EZH1: variants seen among roughly 807,000 people sequenced by gnomAD.
The protein encoded by EZH1 is enhancer of zeste 1 polycomb repressive complex 2 subunit.
EZH1 carries 33 observed loss-of-function variants against 100.5 expected under a neutral mutation model. That is an observed-to-expected ratio of 0.33 (90% CI 0.25 to 0.44). EZH1 has a LOEUF of 0.44. EZH1 is among the 20% of genes least tolerant of loss of function. The pLI is 1.00. For missense variants in EZH1, 475 were observed against 928.4 expected (o/e 0.51, Z 6.35); for synonymous variants, 272 against 313.8 (o/e 0.87, Z 1.41).
chr17:42,733,032 CA>C (rs35232752), intron 1 of EZH1, among the ~76,000 whole-genome samples: 55,077 of 103,008 alleles, frequency 0.53, 11,967 homozygotes, highest in South Asian at 0.59. Context: ...ACCATCTCTA[CA>C]AAAAAAAAAA....
At chr17:42,735,199 T>C (rs376817502) in intron 1 of EZH1, among the ~76,000 whole-genome samples, 5 of 150,760 alleles carry the variant, frequency 3.3e-5, no homozygotes, top group African/African-American at 1.2e-4. Flanking sequence ...CTGAGGCGGG[T>C]GGATCACTTG....
At chr17:42,727,597 G>A (rs758814400) in intron 4 of EZH1, 38 bp downstream of exon 4, 5 of 1,583,778 alleles carry the variant, frequency 3.2e-6, no homozygotes, top group Admixed American at 1.8e-5. Context: ...TTAAGCCCAA[G>A]GAAGAGAGGA....
chr17:42,732,263 G>C (rs1308325141), intron 1 of EZH1, among the ~76,000 whole-genome samples: 2 of 152,076 alleles, frequency 1.3e-5, no homozygotes, highest in East Asian at 3.8e-4. Flanking sequence ...AGGAGTTTGA[G>C]ATTAGCTTGG....
intron 6 of EZH1, among the ~76,000 whole-genome samples, chr17:42,722,041 C>T (rs541823922): frequency 1.3e-5 from 2 of 149,158 alleles, no homozygotes; most frequent in African/African-American, 2.5e-5. Context: ...CCAGCTACCT[C>T]GGGAGGCTGA....
chr17:42,712,236 A>G, intron 12 of EZH1, 53 bp downstream of exon 12: 5 of 1,572,102 alleles, frequency 3.2e-6, no homozygotes, highest in Non-Finnish European at 4.3e-6. Context: ...AGGGCTGGAC[A>G]GAGCAATGCG....
rs1341949028 is a variant in EZH1, at chr17:42,700,377, C to CA, written c.*2154dup. On this transcript the variant is annotated 3_prime_UTR_variant, in exon 21 of 21. Transcript: ENST00000428826. ...ATGTATACCAGGCTCCCCTAGTCCC[C>CA]ACCACCTTGCCCCATCCATCATGAC... is the stretch of plus-strand genomic sequence containing the variant. 2.0e-5 allele frequency: 3 copies of CA among 152,836 alleles called. No individual in the cohort carries two copies. Among genetic ancestry groups the CA allele is most frequent in the African/African-American group, 7.2e-5 (3 of 41,448 alleles). 9.5% of individuals were successfully genotyped at this position (152,836 alleles called of 1,614,324 possible). A position where few individuals can be genotyped will look rare whatever the true frequency, so the allele number is the denominator to read the frequency against.
chr17:42,708,525 CAT>C, intron 14 of EZH1, among the ~76,000 whole-genome samples: 1 of 152,098 alleles, frequency 6.6e-6, no homozygotes, highest in Non-Finnish European at 1.5e-5. Context: ...CATGGTGGTA[CAT>C]GCCTGTAATC....
intron 11 of EZH1, 76 bp from the exon 12 acceptor site, chr17:42,712,561 A>G: frequency 7.3e-7 from 1 of 1,362,946 alleles, no homozygotes; most frequent in Non-Finnish European, 1.0e-6. Context: ...CAAACTCAGA[A>G]GTACTTCATT....
chr17:42,721,890 G>A (rs973579394), intron 6 of EZH1, among the ~76,000 whole-genome samples: 6 of 151,702 alleles, frequency 4.0e-5, no homozygotes, highest in East Asian at 1.9e-4. Context: ...GGTGGCTCAC[G>A]CCTGTAATCC....
At chr17:42,744,674 C>A (rs1175010198) in intron 1 of EZH1, among the ~76,000 whole-genome samples, 1 of 152,212 alleles carries the variant, frequency 6.6e-6, no homozygotes, top group Non-Finnish European at 1.5e-5. Context: ...ACCGCCCTCC[C>A]GCGCCCTTTG....
chr17:42,714,575 C>A, intron 10 of EZH1: 1 of 312,006 alleles, frequency 3.2e-6, no homozygotes. Context: ...AGCAAGTGTG[C>A]TTTCCTTAGC....
At chr17:42,719,295 A>G in intron 7 of EZH1, 88 bp from the exon 8 acceptor site, 1 of 1,022,892 alleles carries the variant, frequency 9.8e-7, no homozygotes, top group Non-Finnish European at 1.5e-6. Context: ...TTGTCATAGC[A>G]TTTTGATTAC....
intron 11 of EZH1, 88 bp from the exon 12 acceptor site, chr17:42,712,573 T>A: frequency 7.8e-7 from 1 of 1,274,378 alleles, no homozygotes; most frequent in Non-Finnish European, 1.1e-6. Context: ...TACTTCATTC[T>A]ACTTTAAAAG....
chr17:42,718,161 G>A lies in EZH1; in HGVS notation c.932-94C>T. On this transcript the variant is annotated intron_variant, in intron 9 of 20. Coordinates refer to ENST00000428826, the MANE Select transcript of EZH1 (RefSeq NM_001991.5). The surrounding 1 kb of genome is among the most constrained non-coding windows in gnomAD (Gnocchi z 4.2). ...AATTAGAGAGCTATTGTAGGAGTTA[G>A]AATTCGATATAAACGGCTACCATCA... 1 of 1,150,764 alleles carries A rather than the reference G, an allele frequency of 8.7e-7. No individual in the cohort carries two copies. The highest frequency in any genetic ancestry group is 1.3e-6 in the Non-Finnish European group (1 of 785,310). 71.3% of individuals were successfully genotyped at this position (1,150,764 alleles called of 1,614,324 possible).
intron 16 of EZH1, among the ~76,000 whole-genome samples, 197 bp from the exon 17 acceptor site, chr17:42,705,380 T>C (rs1308565343): frequency 6.6e-6 from 1 of 152,172 alleles, no homozygotes; most frequent in Non-Finnish European, 1.5e-5. Context: ...CGAACGGAAA[T>C]AGGATATCTC....
intron 16 of EZH1, 105 bp downstream of exon 16, chr17:42,705,902 T>C: frequency 1.7e-6 from 2 of 1,176,874 alleles, no homozygotes; most frequent in Non-Finnish European, 1.2e-6. Context: ...TCAAGCACTT[T>C]CACATATAAA....
chr17:42,707,561 AT>A (rs1340379605), intron 15 of EZH1, among the ~76,000 whole-genome samples: 1 of 151,760 alleles, frequency 6.6e-6, no homozygotes, highest in Non-Finnish European at 1.5e-5. Flanking sequence ...ACCTGGCCTA[AT>A]TTTTTTATTT....
In EZH1 at chr17:42,728,793, A is replaced by G. The variant is rs781249174; in HGVS notation, c.117+32T>C. On this transcript the variant is annotated intron_variant, in intron 3 of 20. Coordinates refer to ENST00000428826, the MANE Select transcript of EZH1 (RefSeq NM_001991.5). ...TTACACTGGGTCAGTATATTGAAAT[A>G]TATAAACTTTCACTTGGGAATTATT... 6.8e-6 allele frequency: 11 copies of G among 1,606,168 alleles called. No individual in the cohort carries two copies. The East Asian group carries it at 2.5e-4, about 36-fold the overall frequency.
chr17:42,709,781 G>C, intron 13 of EZH1, 65 bp downstream of exon 13: 2 of 1,491,790 alleles, frequency 1.3e-6, no homozygotes, highest in Non-Finnish European at 1.9e-6. Flanking sequence ...GGAACTCCAA[G>C]GGGAGGTCAG....
Sources: allele counts gnomAD v4.1 joint callset (sites outside exome capture counted in the v4.1 genomes callset), GRCh38; gene constraint gnomAD v4.1.1; non-coding constraint Gnocchi (gnomAD v3.1); transcripts MANE v1.5; gene names NCBI Gene and HGNC (gene_info 2026-07-23, HGNC 2026-07-21).